The following PLPPR1 variants were observed in gnomAD, a reference collection of about 807,000 sequenced individuals.
The protein encoded by PLPPR1 is phospholipid phosphatase-related protein type 1.
A neutral mutation model predicts 33.1 loss-of-function variants in PLPPR1; 10 were observed. That is an observed-to-expected ratio of 0.30 (90% CI 0.19 to 0.51). The LOEUF is 0.51. PLPPR1 is among the 20% of genes least tolerant of loss of function. The pLI, the probability that PLPPR1 is intolerant of heterozygous loss-of-function variation, is 0.97. For missense variants in PLPPR1, 304 were observed against 408.1 expected, an observed-to-expected ratio of 0.74 and a Z score of 2.20; for synonymous variants, 151 against 151.0, an observed-to-expected ratio of 1.00 and a Z score of 0.00.
At chr9:101,319,854 A>G (rs1829122225) in intron 7 of PLPPR1, among the ~76,000 whole-genome samples, 1 of 152,176 alleles carries the variant, frequency 6.6e-6, no homozygotes, top group South Asian at 2.1e-4. Flanking sequence ...CCATAGACAT[A>G]CCAGTCTCTG....
chr9:101,049,087 C>A (rs183291713), intron 1 of PLPPR1, among the ~76,000 whole-genome samples: 68 of 152,288 alleles, frequency 4.5e-4, no homozygotes, highest in Middle Eastern at 3.4e-3. Flanking sequence ...TTTCATTGAG[C>A]ACTGGCACTT....
At chr9:101,223,148 CAAAAAAAAAAAAAAA>C (rs869205435) in intron 2 of PLPPR1, among the ~76,000 whole-genome samples, 4 of 23,724 alleles carry the variant, frequency 1.7e-4, no homozygotes, top group Admixed American at 4.4e-4. Flanking sequence ...CCCATCTCTA[CAAAAAAAAAAAAAAA>C]AAAAAAAAAG....
chr9:101,040,756 A>G (rs1407161735), intron 1 of PLPPR1, among the ~76,000 whole-genome samples: 5 of 152,118 alleles, frequency 3.3e-5, no homozygotes, highest in Admixed American at 3.3e-4. Flanking sequence ...TATTATTCAT[A>G]TGTCTGTTTA....
chr9:101,069,183 C>T (rs1645896613), intron 1 of PLPPR1, among the ~76,000 whole-genome samples: 1 of 151,600 alleles, frequency 6.6e-6, no homozygotes, highest in African/African-American at 2.4e-5. Context: ...TTAAAATCTA[C>T]AGCAGCCTGG....
chr9:101,237,460 G>A (rs890020717), intron 2 of PLPPR1, among the ~76,000 whole-genome samples: 1 of 146,764 alleles, frequency 6.8e-6, no homozygotes, highest in African/African-American at 2.5e-5. Flanking sequence ...AAGGTCGTGT[G>A]TGTGTGTGTG....
intron 3 of PLPPR1, among the ~76,000 whole-genome samples, chr9:101,274,140 C>T (rs952457104): frequency 7.2e-5 from 11 of 152,118 alleles, no homozygotes; most frequent in African/African-American, 2.4e-5. Context: ...CTCTAGTTCT[C>T]GATTATGAAA....
chr9:101,159,060 C>G (rs867324545), intron 1 of PLPPR1, among the ~76,000 whole-genome samples: 2 of 152,132 alleles, frequency 1.3e-5, no homozygotes. Context: ...GGATAAAAAC[C>G]TACCCCCATC....
rs185422145 is a variant in PLPPR1, at chr9:101,274,267, C to T, written c.252+4199C>T. Reference sequence around the variant, plus strand: ...TATACTTATATTCTGCAGACATGGCCTAATTTATCCTCAGAACAGCCAAAG... The same window carrying T: ...TATACTTATATTCTGCAGACATGGCTTAATTTATCCTCAGAACAGCCAAAG... On this transcript the variant is annotated intron_variant, in intron 3 of 7. Coordinates refer to ENST00000374874, the MANE Select transcript of PLPPR1 (RefSeq NM_207299.2). 1.4e-4 allele frequency among the ~76,000 whole-genome samples: 21 copies of T among 152,266 alleles called. No homozygotes were observed. In the East Asian group the frequency reaches 4.0e-3, roughly 29 times the overall value.
rs1375639289 is a variant in PLPPR1, at chr9:101,324,655, T to G, written c.*598T>G. ...AAACAATTGTCAGAGAATTCTGGAT[T>G]TGGAGGGTATTGGGGTTATATGATT... is the stretch of plus-strand genomic sequence containing the variant. On this transcript the variant is annotated 3_prime_UTR_variant, in exon 8 of 8. Transcript: ENST00000374874. The G allele has an allele frequency of 6.6e-6, 1 of 152,444 alleles. No individual in the cohort carries two copies. The highest frequency in any genetic ancestry group is 1.5e-5 in the Non-Finnish European group (1 of 68,090). 9.4% of individuals were successfully genotyped at this position (152,444 alleles called of 1,614,324 possible).
intron 6 of PLPPR1, among the ~76,000 whole-genome samples, chr9:101,314,537 A>G (rs2118962275): frequency 6.6e-6 from 1 of 152,262 alleles, no homozygotes; most frequent in Non-Finnish European, 1.5e-5. Context: ...TTGGTTTCCC[A>G]GTGCATATAA....
At chr9:101,130,501 G>A (rs994687378) in intron 1 of PLPPR1, among the ~76,000 whole-genome samples, 4 of 152,332 alleles carry the variant, frequency 2.6e-5, no homozygotes, top group Middle Eastern at 3.4e-3. Flanking sequence ...GCACTTCATA[G>A]ATGGTAGCTA....
chr9:101,089,180 C>T (rs1830713547), intron 1 of PLPPR1, among the ~76,000 whole-genome samples: 1 of 152,080 alleles, frequency 6.6e-6, no homozygotes, highest in East Asian at 1.9e-4. Context: ...TCAATCCTCA[C>T]AACAGCCAAA....
At chr9:101,268,485 A>G (rs1828038601) in intron 2 of PLPPR1, among the ~76,000 whole-genome samples, 1 of 152,068 alleles carries the variant, frequency 6.6e-6, no homozygotes, top group Non-Finnish European at 1.5e-5. Context: ...TCTGTGCTAG[A>G]GTTTAGCTAC....
chr9:101,239,200 C>T lies in PLPPR1; in HGVS notation c.64-30680C>T, dbSNP rs182788888. Among the ~76,000 whole-genome samples the T allele has an allele frequency of 2.6e-5, 4 of 151,830 alleles. No individual in the cohort carries two copies. The East Asian group carries it at 7.8e-4, about 30-fold the overall frequency. Reference sequence around the variant, plus strand: ...AATAAACGTGGGGGTGCAGGTATCACTTCCATATACTTCCTTTCCTTTGGA... The same window carrying T: ...AATAAACGTGGGGGTGCAGGTATCATTTCCATATACTTCCTTTCCTTTGGA... On this transcript the variant is annotated intron_variant, in intron 2 of 7. Transcript: ENST00000374874.
chr9:101,201,912 C>T (rs1395063069), intron 2 of PLPPR1, among the ~76,000 whole-genome samples: 1 of 152,184 alleles, frequency 6.6e-6, no homozygotes, highest in Non-Finnish European at 1.5e-5. Context: ...AAAGGGCTGG[C>T]TTCTCAACCT....
chr9:101,041,630 G>A (rs1830079361), intron 1 of PLPPR1, among the ~76,000 whole-genome samples: 2 of 152,156 alleles, frequency 1.3e-5, no homozygotes, highest in East Asian at 1.9e-4. Context: ...TGTGGTCTGT[G>A]TGGTCTAGGG....
chr9:101,284,573 C>G (rs749170621), intron 3 of PLPPR1, among the ~76,000 whole-genome samples: 1 of 152,176 alleles, frequency 6.6e-6, no homozygotes, highest in Non-Finnish European at 1.5e-5. Context: ...GATTTATTAA[C>G]ATCACAGTGT....
chr9:101,290,995 G>A (rs190972460), intron 4 of PLPPR1, among the ~76,000 whole-genome samples: 7 of 152,230 alleles, frequency 4.6e-5, no homozygotes, highest in Non-Finnish European at 7.3e-5. Flanking sequence ...TGCTTCACTC[G>A]GGAAGTGCAA....
chr9:101,088,332 C>T (rs890762473), intron 1 of PLPPR1, among the ~76,000 whole-genome samples: 2 of 151,650 alleles, frequency 1.3e-5, no homozygotes, highest in Non-Finnish European at 2.9e-5. Flanking sequence ...GTAATCACTT[C>T]GGTATGTATA....
Sources: gnomAD v4.1 joint callset for allele counts (sites outside exome capture counted in the v4.1 genomes callset) on GRCh38, gnomAD v4.1.1 for gene constraint, MANE v1.5 for transcripts, NCBI Gene and HGNC (gene_info 2026-07-23, HGNC 2026-07-21) for gene names.